The following LRP2 variants were observed in gnomAD, a reference collection of about 807,000 sequenced individuals.
LRP2 encodes the protein low-density lipoprotein receptor-related protein 2.
Under a neutral mutation model 531.0 loss-of-function variants are expected in LRP2, and 172 were observed. The ratio of observed to expected loss-of-function variants is 0.32; its 90% CI spans 0.29 to 0.37. LRP2 has a LOEUF of 0.37. LRP2 is among the 10% of genes least tolerant of loss of function. The probability of loss-of-function intolerance (pLI) is 1.00; values close to 1 mark genes in which losing one functional copy is unlikely to be tolerated. For synonymous variants in LRP2, 1,992 were observed against 2,027.6 expected (o/e 0.98, Z 0.47); for missense variants, 5,167 against 5,868.3 (o/e 0.88, Z 3.90).
chr2:169,303,912 T>C (rs1248705639), intron 4 of LRP2, among the ~76,000 whole-genome samples: 1 of 152,188 alleles, frequency 6.6e-6, no homozygotes, highest in African/African-American at 2.4e-5. Flanking sequence ...ACTTAAATTT[T>C]TTTAAATAAA....
chr2:169,327,358 G>A (rs1317881585), intron 1 of LRP2, among the ~76,000 whole-genome samples: 12 of 132,356 alleles, frequency 9.1e-5, no homozygotes, highest in Non-Finnish European at 1.8e-4. Flanking sequence ...GGGAGGTGAG[G>A]GGCGCCTCTG....
At chr2:169,332,055 A>G (rs1277222027) in intron 1 of LRP2, among the ~76,000 whole-genome samples, 1 of 152,250 alleles carries the variant, frequency 6.6e-6, no homozygotes, top group Non-Finnish European at 1.5e-5. Context: ...CCATAAATCA[A>G]ACTGACATGG....
chr2:169,333,470 GGGAAGGAAGAAAA>G (rs1315483646), intron 1 of LRP2, among the ~76,000 whole-genome samples: 1 of 142,052 alleles, frequency 7.0e-6, no homozygotes, highest in Non-Finnish European at 1.5e-5. Flanking sequence ...GAAGGAAGGA[GGGAAGGAAGAAAA>G]GGAAGGAAGG....
chr2:169,139,631 A>ATTC, intron 72 of LRP2, 21 bp from the exon 73 acceptor site: 1 of 1,609,566 alleles, frequency 6.2e-7, no homozygotes. Context: ...AAAGCAAATC[A>ATTC]TTCACTAGCT....
chr2:169,332,628 G>A (rs982130408), intron 1 of LRP2, among the ~76,000 whole-genome samples: 2 of 152,110 alleles, frequency 1.3e-5, no homozygotes, highest in African/African-American at 4.8e-5. Context: ...ATTGCTAAGT[G>A]GGTTTATAAG....
At chr2:169,307,474 A>G (rs1166438677) in intron 3 of LRP2, 77 bp from the exon 4 acceptor site, 15 of 890,964 alleles carry the variant, frequency 1.7e-5, no homozygotes, top group Non-Finnish European at 2.6e-5. Context: ...TAACAAGGAT[A>G]TTGGAAAGCA....
rs773484240 is a variant in LRP2 at position 169,140,565 on chromosome 2, T to C, written c.13109-20A>G. On this transcript the variant is annotated intron_variant, in intron 71 of 78. Transcript: ENST00000649046. ...CGATGGCTGCAGGAAGGGAAAGCCA[T>C]GCAGGTGTTAGTCAGCTGTACTCAG... The C allele has an allele frequency of 4.4e-6, 7 of 1,586,758 alleles. No individual in the cohort carries two copies. The highest frequency in any genetic ancestry group is 1.1e-5 in the South Asian group (1 of 90,504).
chr2:169,236,860 G>C (rs1689624110), intron 28 of LRP2, among the ~76,000 whole-genome samples: 1 of 152,080 alleles, frequency 6.6e-6, no homozygotes, highest in Non-Finnish European at 1.5e-5. Context: ...GTATTGCCAA[G>C]CTAATAAATC....
chr2:169,270,051 A>G (rs1261205168), intron 16 of LRP2, among the ~76,000 whole-genome samples: 1 of 152,200 alleles, frequency 6.6e-6, no homozygotes, highest in Non-Finnish European at 1.5e-5. Flanking sequence ...CAAAATCACA[A>G]TGAGATACCA....
chr2:169,344,514 T>C (rs1685647009), intron 1 of LRP2, among the ~76,000 whole-genome samples: 2 of 152,214 alleles, frequency 1.3e-5, no homozygotes, highest in African/African-American at 2.4e-5. Context: ...ATTTGTATGG[T>C]ATTTTTAATG....
In LRP2 at chr2:169,290,855, T is replaced by C; in HGVS notation, c.912A>G (p.Gly304=). 1.9e-6 allele frequency: 3 copies of C among 1,614,138 alleles called. No homozygotes were observed. The highest frequency in any genetic ancestry group is 2.5e-6 in the Non-Finnish European group (3 of 1,180,008). ...GREDENNTST[G]KYCSMTLCSA... ...AATGTCTATACTCACTACAGTATTT[T>C]CCGGTACTAGTGTTGTTTTCATCTT... The change falls in exon 8 of 79, where the codon GGA becomes GGG. Residue 304 remains glycine, a synonymous_variant. Transcript: ENST00000649046.
chr2:169,156,458 G>C, intron 64 of LRP2, 53 bp from the exon 65 acceptor site: 1 of 1,609,198 alleles, frequency 6.2e-7, no homozygotes, highest in Non-Finnish European at 8.5e-7. Flanking sequence ...CCATTCCTTA[G>C]AGATCTTGCT....
chr2:169,331,166 G>T (rs1014964515), intron 1 of LRP2, among the ~76,000 whole-genome samples: 4 of 152,144 alleles, frequency 2.6e-5, no homozygotes, highest in Non-Finnish European at 2.9e-5. Flanking sequence ...TAATGTAAAG[G>T]ATTGTGGCTA....
chr2:169,245,203 T>A (rs961317700), intron 21 of LRP2, among the ~76,000 whole-genome samples: 1 of 152,198 alleles, frequency 6.6e-6, no homozygotes, highest in Non-Finnish European at 1.5e-5. Context: ...ATAAAGTACA[T>A]ATAATTGTCT....
intron 1 of LRP2, among the ~76,000 whole-genome samples, chr2:169,325,178 A>G (rs1031420185): frequency 6.6e-6 from 1 of 152,152 alleles, no homozygotes; most frequent in Non-Finnish European, 1.5e-5. Context: ...TAAGACAAAG[A>G]CAAGTGGTAG....
chr2:169,291,135 T>C (rs113265532), intron 7 of LRP2, 138 bp from the exon 8 acceptor site: 1 of 739,726 alleles, frequency 1.4e-6, no homozygotes, highest in Non-Finnish European at 2.2e-6. Flanking sequence ...AATAAGTTAG[T>C]GATTTCTAAC....
intron 57 of LRP2, among the ~76,000 whole-genome samples, 160 bp from the exon 58 acceptor site, chr2:169,172,294 T>C (rs1255692554): frequency 6.6e-6 from 1 of 152,176 alleles, no homozygotes; most frequent in Non-Finnish European, 1.5e-5. Context: ...CATTCCCTCT[T>C]TTAGCTACCC....
chr2:169,328,458 A>AG (rs751380775), intron 1 of LRP2, among the ~76,000 whole-genome samples: 8,628 of 144,136 alleles, frequency 0.06, 109 homozygotes, highest in Non-Finnish European at 0.076. Context: ...AAAAAAAAAA[A>AG]AAAAAAGAAA....
intron 1 of LRP2, among the ~76,000 whole-genome samples, chr2:169,347,494 T>C (rs1314444869): frequency 6.6e-6 from 1 of 151,938 alleles, no homozygotes; most frequent in Non-Finnish European, 1.5e-5. Flanking sequence ...CCTCTGAAAA[T>C]TTATAGATGA....
Sources: allele counts gnomAD v4.1 joint callset (sites outside exome capture counted in the v4.1 genomes callset), GRCh38; gene constraint gnomAD v4.1.1; transcripts MANE v1.5; gene names NCBI Gene and HGNC (gene_info 2026-07-23, HGNC 2026-07-21).